The following HSPG2 variants were observed in gnomAD, a reference collection of about 807,000 sequenced individuals.
The protein encoded by HSPG2 is heparan sulfate proteoglycan 2.
HSPG2 carries 278 observed loss-of-function variants against 526.6 expected under a neutral mutation model. That is an observed-to-expected ratio of 0.53 (90% confidence interval 0.48 to 0.58). The LOEUF (loss-of-function observed/expected upper bound fraction) is 0.58. HSPG2 is among the 20% of genes least tolerant of loss of function. The probability of loss-of-function intolerance (pLI) is 0.00; values close to 1 mark genes in which losing one functional copy is unlikely to be tolerated. For synonymous variants in HSPG2, 2,465 were observed against 2,555.4 expected (o/e 0.96, Z 1.07); for missense variants, 5,354 against 6,099.5 (o/e 0.88, Z 4.07).
intron 30 of HSPG2, 88 bp from the exon 31 acceptor site, chr1:21,873,179 C>T: frequency 7.9e-7 from 1 of 1,264,208 alleles, no homozygotes; most frequent in South Asian, 1.2e-5. Context: ...TGAGCGGGAG[C>T]TCTGATTTCT....
chr1:21,860,362 C>A, intron 39 of HSPG2, 127 bp from the exon 40 acceptor site: 1 of 811,100 alleles, frequency 1.2e-6, no homozygotes, highest in South Asian at 1.7e-5. Context: ...GCTCTGGAAG[C>A]ACTTTGGGGA....
chr1:21,843,205 T>C, intron 66 of HSPG2, 92 bp downstream of exon 66: 1 of 1,573,496 alleles, frequency 6.4e-7, no homozygotes, highest in Admixed American at 1.7e-5. Context: ...CAGGCAACAA[T>C]AAGTGCCCGG....
chr1:21,850,554 A>T, intron 55 of HSPG2, 56 bp from the exon 56 acceptor site: 1 of 1,513,690 alleles, frequency 6.6e-7, no homozygotes, highest in Non-Finnish European at 8.9e-7. Context: ...TGTTCCTATA[A>T]CCTGCAACCC....
rs1166322971 is a variant in HSPG2 at position 21,841,608 on chromosome 1, CGTGGTT to C, written c.9253_9258del (p.Asn3085_His3086del). 4 of 1,614,050 alleles carry C rather than the reference CGTGGTT, an allele frequency of 2.5e-6. No individual in the cohort carries two copies. Among genetic ancestry groups the C allele is most frequent in the Non-Finnish European group, 3.4e-6 (4 of 1,180,030 alleles). Reference sequence around the variant, plus strand: ...TTGGAGGCCACGCAGCGGTAGGTACCGTGGTTGCTGGGCCGGGTGCCCACGATGGTG... The same window carrying C: ...TTGGAGGCCACGCAGCGGTAGGTACCGCTGGGCCGGGTGCCCACGATGGTG... On this transcript the variant is annotated inframe_deletion, in exon 70 of 97. Coordinates refer to ENST00000374695, the MANE Select transcript of HSPG2 (RefSeq NM_005529.7).
In HSPG2 at chr1:21,828,349, G is replaced by C. The variant is rs751705638; in HGVS notation, c.12315C>G (p.Ser4105Arg). The C allele has an allele frequency of 1.9e-6, 3 of 1,613,812 alleles. No homozygotes were observed. Among genetic ancestry groups the C allele is most frequent in the Admixed American group, 3.3e-5 (2 of 60,022 alleles). ...GGCAAGGCTGGCGCTCACATGGGGAGCTATCATAGCATTGCCCGATGCCCT... is the reference window on the plus strand; with the variant it reads ...GGCAAGGCTGGCGCTCACATGGGGACCTATCATAGCATTGCCCGATGCCCT... ...GSQGIGQCYDSSPCERQPCQH... is the reference protein window; with the variant it reads ...GSQGIGQCYDRSPCERQPCQH... Residue 4105 changes from serine to arginine, a missense_variant, in exon 89 of 97, where the codon AGC becomes AGG. Transcript: ENST00000374695. This position sits in a 1 kb window ranked among gnomAD's most constrained non-coding sequence, Gnocchi z 6.0.
intron 44 of HSPG2, among the ~76,000 whole-genome samples, chr1:21,856,266 T>C (rs570338112): frequency 3.7e-4 from 56 of 152,318 alleles, no homozygotes; most frequent in African/African-American, 1.0e-3. Context: ...GGCCTTGCCA[T>C]GTGCTGCTCC....
In HSPG2 at chr1:21,904,991, G is replaced by A. The variant is rs868205016; in HGVS notation, c.64-8681C>T. ...ACAGTGCCAGGACTATGGAAGGATG[G>A]GCGGAATGTTCCACAAAGTTATGTT... is the stretch of plus-strand genomic sequence containing the variant. On this transcript the variant is annotated intron_variant, in intron 1 of 96. Coordinates refer to ENST00000374695, the MANE Select transcript of HSPG2 (RefSeq NM_005529.7). This position sits in a 1 kb window ranked among gnomAD's most constrained non-coding sequence, Gnocchi z 4.4. Among the ~76,000 whole-genome samples the A allele has an allele frequency of 6.6e-6, 1 of 152,116 alleles. No homozygotes were observed. The highest frequency in any genetic ancestry group is 1.5e-5 in the Non-Finnish European group (1 of 68,014).
In HSPG2 at chr1:21,828,319, A is replaced by C. The variant is rs1219506394; in HGVS notation, c.12345T>G (p.His4115Gln). The stretch of plus-strand genomic sequence containing the variant: ...CGCCAGCGGGCATGCACGTGGCACC[A>C]TGTTGGCAAGGCTGGCGCTCACATG... ...SSPCERQPCQ[H>Q]GATCMPAGEY... The change falls in exon 89 of 97, where the codon CAT (histidine) becomes CAG (glutamine). Residue 4115 changes from histidine (H) to glutamine (Q), a missense_variant. By Grantham distance (24) the His-to-Gln change is conservative. Coordinates refer to ENST00000374695, the MANE Select transcript of HSPG2 (RefSeq NM_005529.7). This position sits in a 1 kb window ranked among gnomAD's most constrained non-coding sequence, Gnocchi z 6.0. 3.7e-6 allele frequency: 6 copies of C among 1,613,720 alleles called. No homozygotes were observed. Among genetic ancestry groups the C allele is most frequent in the East Asian group, 4.5e-5 (2 of 44,886 alleles).
At chr1:21,880,024 G>T in intron 17 of HSPG2, 83 bp downstream of exon 17, 1 of 1,499,282 alleles carries the variant, frequency 6.7e-7, no homozygotes, top group Non-Finnish European at 9.3e-7. Context: ...CTGGAGGCTT[G>T]TGCTGAGCTC....
At chr1:21,840,652 G>C (rs551487515) in intron 71 of HSPG2, among the ~76,000 whole-genome samples, 19 of 152,110 alleles carry the variant, frequency 1.2e-4, no homozygotes, top group African/African-American at 3.9e-4. Context: ...TATTGGCCAG[G>C]GTGGTCTCGA....
At chr1:21,926,721 C>A (rs1644201544) in intron 1 of HSPG2, among the ~76,000 whole-genome samples, 1 of 142,056 alleles carries the variant, frequency 7.0e-6, no homozygotes, top group Non-Finnish European at 1.5e-5. Flanking sequence ...GAGATCGCAC[C>A]ACTACACTTC....
intron 1 of HSPG2, among the ~76,000 whole-genome samples, chr1:21,920,524 T>C (rs953853584): frequency 6.6e-6 from 1 of 152,190 alleles, no homozygotes; most frequent in Non-Finnish European, 1.5e-5. Flanking sequence ...CAGCTTCCAG[T>C]GGTTCCCCCC....
chr1:21,829,842 G>C, intron 86 of HSPG2, 151 bp downstream of exon 86: 1 of 782,862 alleles, frequency 1.3e-6, no homozygotes, highest in Non-Finnish European at 2.1e-6. Context: ...AGGGGCTCAG[G>C]CTGGGCAGAC....
rs1403506727 is a variant in HSPG2 at position 21,825,202 on chromosome 1, T to C, written c.12590-423A>G. On this transcript the variant is annotated intron_variant, in intron 91 of 96. Transcript: ENST00000374695. ...TGATGTGTTAATAAAGAAGCACATA[T>C]ATAGCAAGTCAGGAAACTTAAAACA... is the stretch of plus-strand genomic sequence containing the variant. 3.0e-5 allele frequency: 7 copies of C among 233,712 alleles called. No homozygotes were observed. The South Asian group carries it at 4.5e-4, about 15-fold the overall frequency. The allele number at this position is 233,712 out of a possible 1,614,324, so 14.5% of individuals were successfully genotyped here. A position where few individuals can be genotyped will look rare whatever the true frequency, so the allele number is the denominator to read the frequency against.
In HSPG2 at chr1:21,853,048, G is replaced by A. The variant is rs1639040418; in HGVS notation, c.6462C>T (p.Ile2154=). ...YTPVPGSTRP[I]RIEPSSSHVA... ...CGTGTGAGGAGGAGGGCTCGATGCG[G>A]ATGGGCCGGGTGCTGCCGGGCACTG... is the stretch of plus-strand genomic sequence containing the variant. Residue 2154 remains isoleucine, a synonymous_variant, in exon 51 of 97, where the codon ATC becomes ATT. Coordinates refer to ENST00000374695, the MANE Select transcript of HSPG2 (RefSeq NM_005529.7). 6.2e-7 allele frequency: 1 copy of A among 1,613,804 alleles called. No homozygotes were observed. The highest frequency in any genetic ancestry group is 8.5e-7 in the Non-Finnish European group (1 of 1,179,954).
At chr1:21,928,288 C>T (rs1644257279) in intron 1 of HSPG2, among the ~76,000 whole-genome samples, 1 of 152,228 alleles carries the variant, frequency 6.6e-6, no homozygotes, top group African/African-American at 2.4e-5. Flanking sequence ...CAGCTTGTCC[C>T]ACATCTTCTG....
chr1:21,851,506 C>G (rs746503190), intron 55 of HSPG2, 40 bp downstream of exon 55: 1 of 1,612,356 alleles, frequency 6.2e-7, no homozygotes. Context: ...CCCAGGGACC[C>G]GCTTCCTCTT....
chr1:21,919,871 T>G (rs1258834525), intron 1 of HSPG2, among the ~76,000 whole-genome samples: 1 of 152,208 alleles, frequency 6.6e-6, no homozygotes, highest in Non-Finnish European at 1.5e-5. Flanking sequence ...TTGTTTCTTG[T>G]GATTTGATCT....
chr1:21,866,863 G>A (rs1005109377), intron 33 of HSPG2, among the ~76,000 whole-genome samples: 5 of 152,042 alleles, frequency 3.3e-5, no homozygotes, highest in East Asian at 1.9e-4. Context: ...TTACACACAC[G>A]GCCCTGGGCT....
Sources: allele counts gnomAD v4.1 joint callset (sites outside exome capture counted in the v4.1 genomes callset), GRCh38; gene constraint gnomAD v4.1.1; non-coding constraint Gnocchi (gnomAD v3.1); transcripts MANE v1.5; gene names NCBI Gene and HGNC (gene_info 2026-07-23, HGNC 2026-07-21).